Variants in TEK observed in about 807,000 individuals in gnomAD.
The protein encoded by TEK is TEK receptor tyrosine kinase, also known as angiopoietin-1 receptor.
In TEK, 43 loss-of-function variants were observed where a neutral mutation model predicts 131.8. The observed-to-expected ratio is 0.33, with a 90% CI of 0.26 to 0.42. The LOEUF (loss-of-function observed/expected upper bound fraction) is 0.42, where lower values mean the gene tolerates loss of function less well. Among genes scored for constraint, TEK ranks in the 10% least tolerant of loss-of-function variants. TEK has a pLI of 1.00. For missense variants in TEK, 1,162 were observed against 1,384.4 expected, an observed-to-expected ratio of 0.84 and a Z score of 2.55; for synonymous variants, 580 against 491.6, an observed-to-expected ratio of 1.18 and a Z score of -2.38.
At chr9:27,118,932 G>A (rs557600524) in intron 1 of TEK, among the ~76,000 whole-genome samples, 1 of 152,284 alleles carries the variant, frequency 6.6e-6, no homozygotes, top group African/African-American at 2.4e-5. Flanking sequence ...CCACTTGAAG[G>A]AAGCTAGTCT....
At chr9:27,111,149 A>G (rs1821327352) in intron 1 of TEK, among the ~76,000 whole-genome samples, 1 of 152,138 alleles carries the variant, frequency 6.6e-6, no homozygotes, top group South Asian at 2.1e-4. Flanking sequence ...ACAAAAAGGT[A>G]TGTAGCCAAA....
chr9:27,158,671 T>G (rs1004760640), intron 2 of TEK, among the ~76,000 whole-genome samples: 1 of 151,536 alleles, frequency 6.6e-6, no homozygotes, highest in African/African-American at 2.4e-5. Flanking sequence ...TTTTTTTTTT[T>G]TTTTGGGGGG....
At chr9:27,140,424 A>G (rs1259947020) in intron 1 of TEK, among the ~76,000 whole-genome samples, 2 of 151,116 alleles carry the variant, frequency 1.3e-5, no homozygotes, top group African/African-American at 2.4e-5. Flanking sequence ...AGAAACATTA[A>G]TCTCTTCCAA....
intron 1 of TEK, among the ~76,000 whole-genome samples, chr9:27,137,443 A>T (rs1354906912): frequency 8.2e-6 from 1 of 121,536 alleles, no homozygotes; most frequent in Non-Finnish European, 1.8e-5. Flanking sequence ...GTTAGCTAAC[A>T]GAATTCTACT....
chr9:27,186,341 G>A (rs751256251), intron 9 of TEK, among the ~76,000 whole-genome samples: 13 of 152,174 alleles, frequency 8.5e-5, no homozygotes, highest in Admixed American at 2.0e-4. Flanking sequence ...TTAATCACCT[G>A]TTTAGACAAG....
intron 1 of TEK, among the ~76,000 whole-genome samples, chr9:27,123,642 C>T (rs1381556490): frequency 1.3e-5 from 2 of 152,136 alleles, no homozygotes; most frequent in South Asian, 2.1e-4. Flanking sequence ...TTTTGAGTAT[C>T]ACGTGGAGCT....
intron 1 of TEK, among the ~76,000 whole-genome samples, chr9:27,145,456 A>G (rs1431234967): frequency 6.6e-6 from 1 of 152,158 alleles, no homozygotes; most frequent in Non-Finnish European, 1.5e-5. Flanking sequence ...TCCTCTGGGG[A>G]TGACACAGGC....
chr9:27,168,476 G>T lies in TEK; in HGVS notation c.365-19G>T, dbSNP rs371486685. ...ATGTGTGATCCCATTTTTGGTATTT[G>T]TTTTCTCTCTTTTAAAAGCTTCCTT... is the stretch of plus-strand genomic sequence containing the variant. On this transcript the variant is annotated intron_variant, in intron 2 of 22. Coordinates refer to ENST00000380036, the MANE Select transcript of TEK (RefSeq NM_000459.5). 3 of 1,596,356 alleles carry T rather than the reference G, an allele frequency of 1.9e-6. No homozygotes were observed. Among genetic ancestry groups the T allele is most frequent in the Admixed American group, 1.7e-5 (1 of 59,910 alleles).
Position 27,209,128 on chromosome 9 carries a change from C to T in TEK, c.2583C>T (p.Ala861=). The T allele has an allele frequency of 6.2e-7, 1 of 1,612,728 alleles. No homozygotes were observed. ...CCTTGACTTTCTTCCCAGAATATGC[C>T]TCCAAAGATGATCACAGGGACTTTG... ...DAAIKRMKEY[A]SKDDHRDFAG... is the part of the protein sequence containing the mutation. The change falls in exon 16 of 23, where the codon GCC becomes GCT. Residue 861 remains alanine, a synonymous_variant. Coordinates refer to ENST00000380036, the MANE Select transcript of TEK (RefSeq NM_000459.5).
chr9:27,170,206 A>G (rs1178968686), intron 4 of TEK, among the ~76,000 whole-genome samples: 1 of 152,190 alleles, frequency 6.6e-6, no homozygotes, highest in African/African-American at 2.4e-5. Context: ...CCATGATTAA[A>G]TGACCTCTTA....
chr9:27,111,805 G>A (rs1821358511), intron 1 of TEK, among the ~76,000 whole-genome samples: 1 of 151,712 alleles, frequency 6.6e-6, no homozygotes, highest in Non-Finnish European at 1.5e-5. Context: ...AAAAATCACT[G>A]TGATTTATCA....
chr9:27,127,589 TC>T (rs1822038371), intron 1 of TEK, among the ~76,000 whole-genome samples: 1 of 152,200 alleles, frequency 6.6e-6, no homozygotes, highest in Non-Finnish European at 1.5e-5. Context: ...TAATTTAAAC[TC>T]CCACCAACAG....
intron 1 of TEK, among the ~76,000 whole-genome samples, chr9:27,129,798 A>G (rs985297296): frequency 6.6e-6 from 1 of 152,142 alleles, no homozygotes; most frequent in African/African-American, 2.4e-5. Context: ...GGTTTCTGCA[A>G]TTTCTAAAGA....
At chr9:27,128,093 G>T (rs1279505336) in intron 1 of TEK, among the ~76,000 whole-genome samples, 3 of 152,060 alleles carry the variant, frequency 2.0e-5, no homozygotes, top group Non-Finnish European at 4.4e-5. Flanking sequence ...TTTCTTCTAG[G>T]GTTTTTATGG....
intron 16 of TEK, chr9:27,210,332 G>GGGA: frequency 6.5e-6 from 1 of 154,596 alleles, no homozygotes; most frequent in Admixed American, 6.5e-5. Context: ...CAAACATGGT[G>GGGA]AGTGTTCTTA....
At chr9:27,218,223 T>C (rs574033) in intron 19 of TEK, among the ~76,000 whole-genome samples, 128,759 of 150,106 alleles carry the variant, frequency 0.86, 55,533 homozygotes, top group East Asian at 1. Flanking sequence ...CATCTTGCCT[T>C]GTACCCCATT....
At chr9:27,190,787 T>C in intron 10 of TEK, 97 bp downstream of exon 10, 3 of 1,524,484 alleles carry the variant, frequency 2.0e-6, no homozygotes, top group South Asian at 2.3e-5. Flanking sequence ...GCCTCAATCC[T>C]CTACCTCAAG....
At chr9:27,124,725 GT>G (rs996948246) in intron 1 of TEK, among the ~76,000 whole-genome samples, 1 of 151,986 alleles carries the variant, frequency 6.6e-6, no homozygotes. Context: ...TACCTCATGG[GT>G]TTTTTTTGGA....
intron 1 of TEK, among the ~76,000 whole-genome samples, chr9:27,150,778 C>G (rs12342665): frequency 2.2e-3 from 330 of 152,314 alleles, no homozygotes; most frequent in African/African-American, 7.8e-3. Context: ...GATGCTCTGT[C>G]TGTTCCCTGG....
Sources: gnomAD v4.1 joint callset for allele counts (sites outside exome capture counted in the v4.1 genomes callset) on GRCh38, gnomAD v4.1.1 for gene constraint, MANE v1.5 for transcripts, NCBI Gene and HGNC (gene_info 2026-07-23, HGNC 2026-07-21) for gene names.